The following CELSR1 variants were observed in gnomAD, a reference collection of about 807,000 sequenced individuals.
CELSR1 encodes adhesion G protein-coupled receptor C1.
Under a neutral mutation model 249.1 loss-of-function variants are expected in CELSR1, and 110 were observed. The observed-to-expected ratio is 0.44, with a 90% CI of 0.38 to 0.52. The LOEUF is 0.52. Ranked by LOEUF, CELSR1 falls within the 20% of genes least tolerant of loss-of-function variation. The probability of loss-of-function intolerance (pLI) is 0.00; values close to 1 mark genes in which losing one functional copy is unlikely to be tolerated. For missense variants in CELSR1, 4,109 were observed against 4,296.4 expected (o/e 0.96, Z 1.22); for synonymous variants, 2,113 against 1,900.0 (o/e 1.11, Z -2.92).
rs887159943 is a variant in CELSR1 at position 46,488,600 on chromosome 22, G to C, written c.3545-24255C>G. Among the ~76,000 whole-genome samples the C allele has an allele frequency of 6.6e-6, 1 of 151,952 alleles. No individual in the cohort carries two copies. The highest frequency in any genetic ancestry group is 1.5e-5 in the Non-Finnish European group (1 of 68,002). On this transcript the variant is annotated intron_variant, in intron 1 of 34. Transcript: ENST00000674500. This position sits in a 1 kb window ranked among gnomAD's most constrained non-coding sequence, Gnocchi z 4.7. ...CAAACGCACCCCCCGCGCCACAGTG[G>C]AAAGTCCCCAGAAGCAGCAGTTTCT...
At chr22:46,366,938 G>A (rs574741151) in intron 29 of CELSR1, 55 bp downstream of exon 29, 172 of 1,049,436 alleles carry the variant, frequency 1.6e-4, no homozygotes, top group Non-Finnish European at 2.0e-4. Context: ...ACCCTCCCCC[G>A]CCCCTCGAGA....
rs1302404235 is a variant in CELSR1 at position 46,369,727 on chromosome 22, A to C, written c.7837T>G (p.Trp2613Gly). The change falls in exon 26 of 35, where the codon TGG becomes GGG. Residue 2613 changes from tryptophan to glycine, a missense_variant. Transcript: ENST00000674500. Reference protein sequence around the residue: ...CWLSLQDTLIWSFAGPIGAVI... With the variant: ...CWLSLQDTLIGSFAGPIGAVI... The stretch of plus-strand genomic sequence containing the variant: ...GCTCCGATGGGCCCCGCAAAGCTCC[A>C]AATCAGGGTGTCTTGAAGCGACAGC... The C allele has an allele frequency of 3.7e-6, 6 of 1,613,368 alleles. No homozygotes were observed. The Admixed American group carries it at 1.0e-4, about 27-fold the overall frequency.
At position 46,517,393 on chromosome 22, in the gene CELSR1, G is replaced by T. The variant is rs1238865485; in HGVS notation, c.3544+16234C>A. Among the ~76,000 whole-genome samples the T allele has an allele frequency of 1.3e-5, 2 of 152,216 alleles. No individual in the cohort carries two copies. Among genetic ancestry groups the T allele is most frequent in the South Asian group, 4.1e-4 (2 of 4,830 alleles). On this transcript the variant is annotated intron_variant, in intron 1 of 34. Coordinates refer to ENST00000674500, the MANE Select transcript of CELSR1 (RefSeq NM_001378328.1). The surrounding 1 kb of genome is among the most constrained non-coding windows in gnomAD (Gnocchi z 5.4). Reference sequence around the variant, plus strand: ...AAGCCACCGGTTTCCTGCCTACGGGGTCATCCCGGCCTGGTTTTCCCCCAA... The same window carrying T: ...AAGCCACCGGTTTCCTGCCTACGGGTTCATCCCGGCCTGGTTTTCCCCCAA...
Position 46,500,888 on chromosome 22 carries a change from G to A in CELSR1, c.3544+32739C>T, listed in dbSNP as rs1170082230. Among the ~76,000 whole-genome samples, 1 of 151,924 alleles carries A rather than the reference G, an allele frequency of 6.6e-6. No individual in the cohort carries two copies. Among genetic ancestry groups the A allele is most frequent in the Non-Finnish European group, 1.5e-5 (1 of 68,006 alleles). ...GTCCTTGTAAGCACGCCCATGATGG[G>A]ACCCGAAAATCAGCCCATTTACATG... On this transcript the variant is annotated intron_variant, in intron 1 of 34. Transcript: ENST00000674500. The surrounding 1 kb of genome is among the most constrained non-coding windows in gnomAD (Gnocchi z 4.9).
At chr22:46,483,212 G>A (rs530600736) in intron 1 of CELSR1, among the ~76,000 whole-genome samples, 2 of 152,196 alleles carry the variant, frequency 1.3e-5, no homozygotes, top group African/African-American at 4.8e-5. Context: ...AGGGGAAAAA[G>A]TATGATTTTG....
intron 31 of CELSR1, 48 bp from the exon 32 acceptor site, chr22:46,365,428 G>A (rs1442431781): frequency 1.9e-6 from 3 of 1,600,816 alleles, no homozygotes. Context: ...GGAGGTGAGG[G>A]AGTCCCACCG....
rs1448463700 is a variant in CELSR1 at position 46,423,970 on chromosome 22, C to T, written c.4611+9423G>A. Among the ~76,000 whole-genome samples the T allele has an allele frequency of 6.6e-6, 1 of 151,800 alleles. No individual in the cohort carries two copies. The highest frequency in any genetic ancestry group is 6.6e-5 in the Admixed American group (1 of 15,242). Reference sequence around the variant, plus strand: ...GACAGAGTGAGACTGCATCTCAAAACAAACAAAGAAAAAAAACACAAGTTT... The same window carrying T: ...GACAGAGTGAGACTGCATCTCAAAATAAACAAAGAAAAAAAACACAAGTTT... On this transcript the variant is annotated intron_variant, in intron 5 of 34. Coordinates refer to ENST00000674500, the MANE Select transcript of CELSR1 (RefSeq NM_001378328.1). This position sits in a 1 kb window ranked among gnomAD's most constrained non-coding sequence, Gnocchi z 5.6.
intron 5 of CELSR1, among the ~76,000 whole-genome samples, chr22:46,422,490 T>C (rs8141015): frequency 0.28 from 41,800 of 150,874 alleles, 8,931 homozygotes; most frequent in African/African-American, 0.6. Context: ...TCGCAGCACT[T>C]TGGGAGGCCA....
intron 27 of CELSR1, 74 bp downstream of exon 27, chr22:46,369,105 C>T: frequency 1.3e-6 from 2 of 1,487,770 alleles, no homozygotes; most frequent in Non-Finnish European, 1.9e-6. Flanking sequence ...TGGGGCCCCA[C>T]CCCGCAGAGA....
chr22:46,447,989 T>G lies in CELSR1; in HGVS notation c.4184-8578A>C, dbSNP rs542004688. On this transcript the variant is annotated intron_variant, in intron 2 of 34. Transcript: ENST00000674500. The surrounding 1 kb of genome is among the most constrained non-coding windows in gnomAD (Gnocchi z 4.7). ...GGCCCATCCAGCCCTCATGGCCTCATGCACCTGCCCCGCCACTGGGGACCT... is the reference window on the plus strand; with the variant it reads ...GGCCCATCCAGCCCTCATGGCCTCAGGCACCTGCCCCGCCACTGGGGACCT... Among the ~76,000 whole-genome samples, 1 of 152,322 alleles carries G rather than the reference T, an allele frequency of 6.6e-6. No individual in the cohort carries two copies. Among genetic ancestry groups the G allele is most frequent in the South Asian group, 2.1e-4 (1 of 4,834 alleles).
At position 46,445,355 on chromosome 22, in the gene CELSR1, ATGG is replaced by A. The variant is rs2079806529; in HGVS notation, c.4184-5947_4184-5945del. 6.7e-6 allele frequency among the ~76,000 whole-genome samples: 1 copy of A among 148,598 alleles called. No homozygotes were observed. The highest frequency in any genetic ancestry group is 1.5e-5 in the Non-Finnish European group (1 of 67,052). On this transcript the variant is annotated intron_variant, in intron 2 of 34. Coordinates refer to ENST00000674500, the MANE Select transcript of CELSR1 (RefSeq NM_001378328.1). The surrounding 1 kb of genome is among the most constrained non-coding windows in gnomAD (Gnocchi z 4.4). ...CTAAAAATATAAAAATTAGCCGGGT[ATGG>A]TGGCGCATGCCTGTAGTCCCAGCTA...
Position 46,406,989 on chromosome 22 carries a change from C to T in CELSR1, c.5226+2007G>A, listed in dbSNP as rs1016234209. On this transcript the variant is annotated intron_variant, in intron 9 of 34. Transcript: ENST00000674500. This position sits in a 1 kb window ranked among gnomAD's most constrained non-coding sequence, Gnocchi z 5.4. ...CCAGACGCCGCTTTGGGAGGGACTT[C>T]CTGACCGCAGGAGCGGGGAGGGGGG... Among the ~76,000 whole-genome samples the T allele has an allele frequency of 6.6e-4, 100 of 152,222 alleles. 1 individual carries two copies. Among genetic ancestry groups the T allele is most frequent in the Non-Finnish European group, 2.1e-4 (14 of 68,036 alleles).
At chr22:46,378,759 C>T (rs774991567) in intron 22 of CELSR1, 42 bp from the exon 23 acceptor site, 48 of 1,593,546 alleles carry the variant, frequency 3.0e-5, no homozygotes, top group Non-Finnish European at 3.9e-5. Flanking sequence ...AGACGGTTCC[C>T]TCTGCCCATG....
intron 1 of CELSR1, among the ~76,000 whole-genome samples, chr22:46,470,114 T>A (rs1294895516): frequency 6.8e-6 from 1 of 146,382 alleles, no homozygotes; most frequent in African/African-American, 2.6e-5. Context: ...TGTGCCTGTT[T>A]GACTTTTTTT....
Position 46,447,335 on chromosome 22 carries a change from T to C in CELSR1, c.4184-7924A>G, listed in dbSNP as rs2079832337. Among the ~76,000 whole-genome samples, 1 of 152,228 alleles carries C rather than the reference T, an allele frequency of 6.6e-6. No homozygotes were observed. ...TCATAAAATAAATGTTCAGCTATGC[T>C]GACTATCAGGATTTATCTTTCCTTT... On this transcript the variant is annotated intron_variant, in intron 2 of 34. Coordinates refer to ENST00000674500, the MANE Select transcript of CELSR1 (RefSeq NM_001378328.1). The surrounding 1 kb of genome is among the most constrained non-coding windows in gnomAD (Gnocchi z 4.7).
intron 1 of CELSR1, among the ~76,000 whole-genome samples, chr22:46,516,511 A>AT (rs952076988): frequency 4.6e-5 from 7 of 151,096 alleles, no homozygotes; most frequent in South Asian, 2.1e-4. Context: ...GTTTTTTAAA[A>AT]TTTTTTTTTA....
chr22:46,422,373 G>C (rs551802213), intron 5 of CELSR1, among the ~76,000 whole-genome samples: 75 of 151,904 alleles, frequency 4.9e-4, no homozygotes, highest in Non-Finnish European at 1.0e-3. Context: ...CTCCCAAAGT[G>C]CTAGGATTAC....
At chr22:46,456,758 AT>A (rs1279767045) in intron 2 of CELSR1, among the ~76,000 whole-genome samples, 5 of 151,646 alleles carry the variant, frequency 3.3e-5, no homozygotes, top group Admixed American at 6.6e-5. Flanking sequence ...AAGGGCTAGA[AT>A]TTATTTTTAA....
chr22:46,414,209 AGGAAAC>A (rs1897730666), intron 5 of CELSR1, among the ~76,000 whole-genome samples: 1 of 152,232 alleles, frequency 6.6e-6, no homozygotes, highest in Non-Finnish European at 1.5e-5. Flanking sequence ...CAGGGCGTTT[AGGAAAC>A]GGTCTCTGAT....
Sources: allele counts gnomAD v4.1 joint callset (sites outside exome capture counted in the v4.1 genomes callset), GRCh38; gene constraint gnomAD v4.1.1; non-coding constraint Gnocchi (gnomAD v3.1); transcripts MANE v1.5; gene names NCBI Gene and HGNC (gene_info 2026-07-23, HGNC 2026-07-21).